EYS: variants seen among roughly 807,000 people sequenced by gnomAD.
EYS encodes protein eyes shut homolog.
EYS carries 250 observed loss-of-function variants against 282.1 expected under a neutral mutation model. The ratio of observed to expected loss-of-function variants is 0.89; its 90% CI spans 0.80 to 0.98. The LOEUF is 0.98. EYS is among the 50% of genes least tolerant of loss of function. The pLI is 0.00. For missense variants in EYS, 4,016 were observed against 3,709.0 expected (o/e 1.08, Z -2.15); for synonymous variants, 1,355 against 1,282.9 (o/e 1.06, Z -1.20).
intron 30 of EYS, among the ~76,000 whole-genome samples, chr6:64,261,915 A>G (rs1222201424): frequency 2.6e-5 from 4 of 151,608 alleles, no homozygotes; most frequent in African/African-American, 9.7e-5. Context: ...CACCACACGC[A>G]TGGCTAATTT....
At chr6:65,038,516 A>G (rs1772836669) in intron 13 of EYS, among the ~76,000 whole-genome samples, 1 of 151,490 alleles carries the variant, frequency 6.6e-6, no homozygotes, top group South Asian at 2.1e-4. Flanking sequence ...AATCTGGGTT[A>G]CAATCAATAA....
At chr6:64,603,666 G>C (rs1766832167) in intron 24 of EYS, among the ~76,000 whole-genome samples, 1 of 152,000 alleles carries the variant, frequency 6.6e-6, no homozygotes, top group Non-Finnish European at 1.5e-5. Context: ...TATGTGATAG[G>C]GCTCACAGAA....
At chr6:65,683,466 C>A (rs1768902797) in intron 1 of EYS, among the ~76,000 whole-genome samples, 1 of 149,022 alleles carries the variant, frequency 6.7e-6, no homozygotes, top group African/African-American at 2.5e-5. Context: ...AGTTTGCTTG[C>A]CTGTTTAACT....
At chr6:65,092,738 A>T (rs9445464) in intron 12 of EYS, among the ~76,000 whole-genome samples, 49,900 of 151,992 alleles carry the variant, frequency 0.33, 8,652 homozygotes, top group African/African-American at 0.41. Context: ...GACTACTTAC[A>T]GCGCAGGAAG....
chr6:64,188,358 A>G (rs1170507944), intron 31 of EYS, among the ~76,000 whole-genome samples: 2 of 152,182 alleles, frequency 1.3e-5, no homozygotes, highest in Admixed American at 6.6e-5. Context: ...ACTGGGTTCA[A>G]TAAGGCCTAC....
In EYS at chr6:64,059,021, T is replaced by A. The variant is rs1366439001; in HGVS notation, c.6725+7317A>T. Among the ~76,000 whole-genome samples, 7 of 152,220 alleles carry A rather than the reference T, an allele frequency of 4.6e-5. 1 individual carries two copies. The highest frequency in any genetic ancestry group is 2.9e-5 in the Non-Finnish European group (2 of 68,040). Reference sequence around the variant, plus strand: ...GAAATGACAGTGTTTGATGGTGACTTACTGAAGAGCTAAACATCCTTTCAC... The same window carrying A: ...GAAATGACAGTGTTTGATGGTGACTAACTGAAGAGCTAAACATCCTTTCAC... On this transcript the variant is annotated intron_variant, in intron 33 of 42. Transcript: ENST00000503581.
Position 64,532,666 on chromosome 6 carries a change from G to A in EYS, c.5644+57557C>T, listed in dbSNP as rs900039140. On this transcript the variant is annotated intron_variant, in intron 26 of 42. Coordinates refer to ENST00000503581, the MANE Select transcript of EYS (RefSeq NM_001142800.2). The stretch of plus-strand genomic sequence containing the variant: ...GGAGTTTGCAGTGAGCTGAGATTGC[G>A]CCACTGCATTCCAGCCTGGGTGACG... Among the ~76,000 whole-genome samples, 7 of 152,026 alleles carry A rather than the reference G, an allele frequency of 4.6e-5. No individual in the cohort carries two copies. In the East Asian group the frequency reaches 5.8e-4, roughly 13 times the overall value.
At chr6:64,825,848 A>T (rs1765038272) in intron 19 of EYS, among the ~76,000 whole-genome samples, 1 of 151,728 alleles carries the variant, frequency 6.6e-6, no homozygotes. Flanking sequence ...TCATCTGTAA[A>T]CTATGAATCA....
intron 26 of EYS, among the ~76,000 whole-genome samples, chr6:64,584,501 A>T (rs1766171336): frequency 6.6e-6 from 1 of 151,906 alleles, no homozygotes; most frequent in Non-Finnish European, 1.5e-5. Flanking sequence ...CTCCAGAAAG[A>T]TGGTGACAAC....
Position 64,091,824 on chromosome 6 carries a change from A to G in EYS, c.6425-9822T>C, listed in dbSNP as rs143974612. On this transcript the variant is annotated intron_variant, in intron 31 of 42. Coordinates refer to ENST00000503581, the MANE Select transcript of EYS (RefSeq NM_001142800.2). Reference sequence around the variant, plus strand: ...GTGCAGGTTTGTTACATATGTATACATGTGCCATGTTGGTGTGCTGCACCC... The same window carrying G: ...GTGCAGGTTTGTTACATATGTATACGTGTGCCATGTTGGTGTGCTGCACCC... 8.7e-3 allele frequency among the ~76,000 whole-genome samples: 1,320 copies of G among 152,250 alleles called. 47 individuals are homozygous for G. In the East Asian group the frequency reaches 0.09, roughly 10 times the overall value.
chr6:65,166,393 T>C (rs1227850234), intron 12 of EYS, among the ~76,000 whole-genome samples: 1 of 151,200 alleles, frequency 6.6e-6, no homozygotes, highest in East Asian at 2.0e-4. Flanking sequence ...TTATAAAAGA[T>C]CCATGATGGA....
intron 30 of EYS, among the ~76,000 whole-genome samples, chr6:64,283,741 C>A (rs1730346467): frequency 6.6e-6 from 1 of 152,072 alleles, no homozygotes; most frequent in South Asian, 2.1e-4. Flanking sequence ...TTTACAGTTC[C>A]ACATGGCTGG....
chr6:65,605,673 T>C (rs1030186255), intron 2 of EYS, among the ~76,000 whole-genome samples: 1 of 151,988 alleles, frequency 6.6e-6, no homozygotes, highest in South Asian at 2.1e-4. Flanking sequence ...ATACATTTGG[T>C]ATAAATAATA....
At chr6:64,248,508 G>C (rs1013106649) in intron 30 of EYS, among the ~76,000 whole-genome samples, 1 of 152,028 alleles carries the variant, frequency 6.6e-6, no homozygotes, top group African/African-American at 2.4e-5. Flanking sequence ...CTTTGTGGTT[G>C]GTTTTAAGTA....
chr6:64,286,332 C>T (rs1296492568), intron 30 of EYS, among the ~76,000 whole-genome samples: 1 of 152,134 alleles, frequency 6.6e-6, no homozygotes, highest in South Asian at 2.1e-4. Flanking sequence ...ATTCCTCTAA[C>T]CAATAGGCAG....
chr6:65,649,111 C>T (rs1767560402), intron 1 of EYS, among the ~76,000 whole-genome samples: 1 of 129,384 alleles, frequency 7.7e-6, no homozygotes. Flanking sequence ...GCACTCCAGC[C>T]TGTGCGACAG....
chr6:63,929,027 T>C (rs1260777664), intron 35 of EYS, among the ~76,000 whole-genome samples: 3 of 152,188 alleles, frequency 2.0e-5, no homozygotes, highest in Admixed American at 6.5e-5. Context: ...AAACATGCAA[T>C]GTCCAGTTTC....
intron 2 of EYS, among the ~76,000 whole-genome samples, chr6:65,565,244 C>CAAAAAAAAAA (rs765596305): frequency 1.2e-3 from 2 of 1,618 alleles, no homozygotes; most frequent in Non-Finnish European, 1.6e-3. Flanking sequence ...GACTCCGTCT[C>CAAAAAAAAAA]AAAAAAAAAA....
intron 14 of EYS, among the ~76,000 whole-genome samples, chr6:64,958,129 T>TTA (rs1342564419): frequency 1.3e-5 from 2 of 151,974 alleles, no homozygotes; most frequent in Admixed American, 1.3e-4. Context: ...ATTTGTATAA[T>TTA]TATACATACA....
Sources: allele counts gnomAD v4.1 joint callset (sites outside exome capture counted in the v4.1 genomes callset), GRCh38; gene constraint gnomAD v4.1.1; transcripts MANE v1.5; gene names NCBI Gene and HGNC (gene_info 2026-07-23, HGNC 2026-07-21).